Variants in EXOC6 observed in about 807,000 individuals in gnomAD.
EXOC6 encodes the protein exocyst complex component 6, also known as SEC15-like 1.
EXOC6 carries 60 observed loss-of-function variants against 112.5 expected under a neutral mutation model. The ratio of observed to expected loss-of-function variants is 0.53; its 90% CI spans 0.43 to 0.66. The LOEUF (loss-of-function observed/expected upper bound fraction) is 0.66, where lower values mean the gene tolerates loss of function less well. Ranked by LOEUF, EXOC6 falls within the 30% of genes least tolerant of loss-of-function variation. EXOC6 has a pLI of 0.00. For synonymous variants in EXOC6, 295 were observed against 308.0 expected, an observed-to-expected ratio of 0.96 and a Z score of 0.44; for missense variants, 855 against 957.1, an observed-to-expected ratio of 0.89 and a Z score of 1.41.
At chr10:93,018,638 C>A (rs1844649386) in intron 20 of EXOC6, among the ~76,000 whole-genome samples, 1 of 149,902 alleles carries the variant, frequency 6.7e-6, no homozygotes. Flanking sequence ...CCAGATATTT[C>A]AGAGCCATAA....
intron 1 of EXOC6, among the ~76,000 whole-genome samples, chr10:92,853,650 T>A (rs948288055): frequency 2.6e-5 from 4 of 152,228 alleles, no homozygotes; most frequent in Admixed American, 6.5e-5. Flanking sequence ...GATAGTCTTT[T>A]TTAGTAATGG....
intron 1 of EXOC6, among the ~76,000 whole-genome samples, chr10:92,892,587 A>T (rs997935724): frequency 1.3e-5 from 2 of 152,234 alleles, no homozygotes; most frequent in African/African-American, 4.8e-5. Context: ...TGGCAGTCAA[A>T]GCCTTCCAGG....
At chr10:92,978,138 G>A (rs79532789) in intron 18 of EXOC6, among the ~76,000 whole-genome samples, 1,580 of 152,298 alleles carry the variant, frequency 0.01, 33 homozygotes, top group African/African-American at 0.036. Context: ...GGCTGGGTAC[G>A]TTGGCTCACA....
intron 18 of EXOC6, among the ~76,000 whole-genome samples, chr10:92,988,604 TATTGA>T (rs1843103671): frequency 6.6e-6 from 1 of 152,192 alleles, no homozygotes; most frequent in Admixed American, 6.6e-5. Flanking sequence ...CTTGATTATC[TATTGA>T]ATTAAGTAGA....
rs527278579 is a variant in EXOC6 at position 92,881,484 on chromosome 10, A to G, written c.102-11865A>G. Among the ~76,000 whole-genome samples the G allele has an allele frequency of 3.3e-5, 5 of 152,072 alleles. No homozygotes were observed. In the South Asian group the frequency reaches 1.0e-3, roughly 32 times the overall value. ...AGTGTAGATAAATTTTAATGATTTA[A>G]GGAATAATTGTGCTCTGTATTAAAG... On this transcript the variant is annotated intron_variant, in intron 1 of 21. Transcript: ENST00000260762.
In EXOC6 at chr10:93,058,456, A is replaced by G; in HGVS notation, c.*101A>G. On this transcript the variant is annotated 3_prime_UTR_variant, in exon 22 of 22. Coordinates refer to ENST00000260762, the MANE Select transcript of EXOC6 (RefSeq NM_019053.6). ...CAGTAATTTGTTTACAGAATCCAAAAATACAATAGAGAAGATACATGAGGG... is the reference window on the plus strand; with the variant it reads ...CAGTAATTTGTTTACAGAATCCAAAGATACAATAGAGAAGATACATGAGGG... The G allele has an allele frequency of 1.0e-6, 1 of 973,272 alleles. No homozygotes were observed. Among genetic ancestry groups the G allele is most frequent in the Non-Finnish European group, 1.4e-6 (1 of 695,638 alleles). 60.3% of individuals were successfully genotyped at this position (973,272 alleles called of 1,614,324 possible).
chr10:93,025,519 CTAT>C (rs1564920284), intron 20 of EXOC6, among the ~76,000 whole-genome samples: 2 of 152,128 alleles, frequency 1.3e-5, no homozygotes, highest in African/African-American at 4.8e-5. Flanking sequence ...GTCAAGTGTA[CTAT>C]TTTCTTCTTC....
intron 8 of EXOC6, among the ~76,000 whole-genome samples, chr10:92,923,833 C>A (rs537079058): frequency 3.9e-5 from 6 of 152,130 alleles, no homozygotes; most frequent in African/African-American, 7.2e-5. Flanking sequence ...AAGGCTACCA[C>A]GTTTACTTTA....
At chr10:92,975,095 G>C (rs1302657245) in intron 18 of EXOC6, among the ~76,000 whole-genome samples, 2 of 151,036 alleles carry the variant, frequency 1.3e-5, no homozygotes, top group Non-Finnish European at 1.5e-5. Flanking sequence ...GTCTCTGCCC[G>C]GCCACCATCC....
At chr10:92,933,356 A>G (rs757604613) in intron 9 of EXOC6, among the ~76,000 whole-genome samples, 3 of 152,194 alleles carry the variant, frequency 2.0e-5, no homozygotes, top group Non-Finnish European at 4.4e-5. Flanking sequence ...CAACAACTGT[A>G]GGAACATATT....
At chr10:92,863,352 A>G (rs1051892215) in intron 1 of EXOC6, among the ~76,000 whole-genome samples, 1 of 152,196 alleles carries the variant, frequency 6.6e-6, no homozygotes, top group Non-Finnish European at 1.5e-5. Flanking sequence ...TTCCCATGCA[A>G]TTTTTACTAG....
chr10:93,057,117 G>C, intron 21 of EXOC6, 81 bp downstream of exon 21: 1 of 748,242 alleles, frequency 1.3e-6, no homozygotes, highest in Admixed American at 3.2e-5. Context: ...AGAGATTTCT[G>C]TCAAAAAAGA....
intron 1 of EXOC6, among the ~76,000 whole-genome samples, chr10:92,890,978 G>C (rs1282095580): frequency 1.3e-5 from 2 of 152,288 alleles, no homozygotes; most frequent in South Asian, 2.1e-4. Context: ...AGGGAACAAG[G>C]ATGGAATCAG....
chr10:92,888,507 C>T (rs1028713836), intron 1 of EXOC6, among the ~76,000 whole-genome samples: 2 of 152,174 alleles, frequency 1.3e-5, no homozygotes, highest in Non-Finnish European at 2.9e-5. Flanking sequence ...AACAGTATCT[C>T]CTTTATATCC....
chr10:92,895,172 C>G (rs1849685622), intron 4 of EXOC6, 152 bp downstream of exon 4: 1 of 615,960 alleles, frequency 1.6e-6, no homozygotes, highest in South Asian at 2.0e-5. Context: ...CATTTTATTC[C>G]CTGAATATTC....
intron 17 of EXOC6, among the ~76,000 whole-genome samples, chr10:92,973,044 A>G (rs976130374): frequency 1.3e-5 from 2 of 152,206 alleles, no homozygotes; most frequent in Non-Finnish European, 2.9e-5. Context: ...GGCATCCTCC[A>G]TGTTAAACTT....
intron 1 of EXOC6, among the ~76,000 whole-genome samples, chr10:92,869,756 G>A (rs553012161): frequency 3.3e-5 from 5 of 152,094 alleles, no homozygotes; most frequent in South Asian, 2.1e-4. Context: ...TTTCAGTTAC[G>A]TAATCATATA....
rs541790491 is a variant in EXOC6 at position 92,921,773 on chromosome 10, C to T, written c.888+1723C>T. ...AAGCGATTCTCCCACTTGAGCCTCC[C>T]AAGTACCTGGGACTACAGGCTCATG... On this transcript the variant is annotated intron_variant, in intron 8 of 21. Transcript: ENST00000260762. Among the ~76,000 whole-genome samples the T allele has an allele frequency of 3.3e-5, 5 of 151,864 alleles. No homozygotes were observed. In the East Asian group the frequency reaches 7.8e-4, roughly 24 times the overall value.
intron 19 of EXOC6, among the ~76,000 whole-genome samples, chr10:93,010,257 C>A (rs531270474): frequency 6.6e-6 from 1 of 152,178 alleles, no homozygotes; most frequent in African/African-American, 2.4e-5. Flanking sequence ...AATTTCACTT[C>A]CATATTGATT....
Sources: gnomAD v4.1 joint callset for allele counts (sites outside exome capture counted in the v4.1 genomes callset) on GRCh38, gnomAD v4.1.1 for gene constraint, MANE v1.5 for transcripts, NCBI Gene and HGNC (gene_info 2026-07-23, HGNC 2026-07-21) for gene names.